The following SSPN variants were observed in gnomAD, a reference collection of about 807,000 sequenced individuals.
The protein encoded by SSPN is sarcospan, also known as K-ras oncogene-associated protein.
SSPN carries 15 observed loss-of-function variants against 19.1 expected under a neutral mutation model. The ratio of observed to expected loss-of-function variants is 0.78; its 90% CI spans 0.52 to 1.21. The LOEUF is 1.21. Among genes scored for constraint, SSPN ranks in the 50% most tolerant of loss-of-function variants. The pLI is 0.00. For missense variants in SSPN, 291 were observed against 314.0 expected, an observed-to-expected ratio of 0.93 and a Z score of 0.55; for synonymous variants, 147 against 140.3, an observed-to-expected ratio of 1.05 and a Z score of -0.34.
chr12:26,202,270 T>C (rs879375348), intron 1 of SSPN, among the ~76,000 whole-genome samples: 3 of 152,186 alleles, frequency 2.0e-5, no homozygotes, highest in Admixed American at 6.5e-5. Context: ...AACCCATTGA[T>C]ACAGAGGGCT....
chr12:26,196,567 C>T (rs562663066), intron 1 of SSPN, among the ~76,000 whole-genome samples: 11 of 152,306 alleles, frequency 7.2e-5, no homozygotes, highest in African/African-American at 2.6e-4. Context: ...ATTTGGGACT[C>T]CACCGATGGA....
At chr12:26,146,818 T>A (rs867382696) in intron 1 of SSPN, among the ~76,000 whole-genome samples, 12 of 105,184 alleles carry the variant, frequency 1.1e-4, no homozygotes, top group East Asian at 3.0e-4. Flanking sequence ...CAAGGCTGTC[T>A]AAAAAAAAAA....
chr12:26,122,404 C>T (rs1591838245), intron 1 of SSPN: 1 of 1,297,522 alleles, frequency 7.7e-7, no homozygotes, highest in Non-Finnish European at 9.9e-7. Context: ...TTCTCCAGGC[C>T]GCTCTTGTCC....
Position 26,195,770 on chromosome 12 carries a change from C to T in SSPN, c.98C>T (p.Thr33Met). The T allele has an allele frequency of 3.3e-6, 5 of 1,503,606 alleles. No homozygotes were observed. Among genetic ancestry groups the T allele is most frequent in the Non-Finnish European group, 4.4e-6 (5 of 1,129,598 alleles). The allele number at this position is 1,503,606 out of a possible 1,614,324, so 93.1% of individuals were successfully genotyped here. ...GPDDMEPKKG[T>M]GAPKECGEEE... is the part of the protein sequence containing the mutation. The stretch of plus-strand genomic sequence containing the variant: ...GACGACATGGAGCCGAAGAAGGGCA[C>T]GGGGGCCCCCAAGGAGTGCGGGGAG... Residue 33 changes from threonine to methionine, a missense_variant, in exon 1 of 3, where the codon ACG (threonine) becomes ATG (methionine). Around this residue, in one of 3 missense-constraint regions of SSPN, gnomAD observed 139 missense variants for 119.6 expected, o/e 1.16. Coordinates refer to ENST00000242729, the MANE Select transcript of SSPN (RefSeq NM_005086.5).
At chr12:26,158,396 G>A (rs1236815570) in intron 1 of SSPN, among the ~76,000 whole-genome samples, 1 of 151,988 alleles carries the variant, frequency 6.6e-6, no homozygotes, top group Non-Finnish European at 1.5e-5. Context: ...GTCAGCGTAG[G>A]GGCCTAGCCT....
At chr12:26,194,725 G>A (rs1306576893), upstream of SSPN, among the ~76,000 whole-genome samples, 1 of 152,174 alleles carries the variant, frequency 6.6e-6, no homozygotes, top group Non-Finnish European at 1.5e-5. Flanking sequence ...GGTGGCTCAC[G>A]CCTGTAATTC....
At position 26,195,809 on chromosome 12, in the gene SSPN, C is replaced by A; in HGVS notation, c.137C>A (p.Thr46Asn). Residue 46 changes from threonine to asparagine, a missense_variant, in exon 1 of 3, where the codon ACC (threonine) becomes AAC (asparagine). By Grantham distance (65) the Thr-to-Asn change is moderately conservative (BLOSUM62 0). Around this residue, in one of 3 missense-constraint regions of SSPN, gnomAD observed 139 missense variants for 119.6 expected, o/e 1.16. Transcript: ENST00000242729. ...PKECGEEEPR[T>N]CCGCRFPLLL... ...GAGTGCGGGGAGGAGGAGCCCCGGA[C>A]CTGCTGCGGCTGCCGGTTCCCGCTG... 1 of 1,536,470 alleles carries A rather than the reference C, an allele frequency of 6.5e-7. No individual in the cohort carries two copies. Among genetic ancestry groups the A allele is most frequent in the Admixed American group, 2.0e-5 (1 of 49,780 alleles).
intron 1 of SSPN, chr12:26,126,524 C>A (rs565941748): frequency 6.6e-6 from 1 of 152,234 alleles, no homozygotes; most frequent in Non-Finnish European, 1.5e-5. Context: ...ACGTGTCCCC[C>A]GGCCCGCCCC....
chr12:26,201,048 A>ATATATATATATATATATATATATATATAT (rs1944880110), intron 1 of SSPN, among the ~76,000 whole-genome samples: 23 of 68,316 alleles, frequency 3.4e-4, no homozygotes, highest in African/African-American at 1.3e-3. Context: ...TATATATATT[A>ATATATATATATATATATATATATATATAT]TATATATATA....
At chr12:26,204,329 C>A (rs775048599) in intron 1 of SSPN, among the ~76,000 whole-genome samples, 1 of 152,086 alleles carries the variant, frequency 6.6e-6, no homozygotes. Context: ...CTTCTTTTGT[C>A]AAATTTCTGT....
chr12:26,148,184 C>T (rs1944504325), intron 1 of SSPN, among the ~76,000 whole-genome samples: 1 of 152,172 alleles, frequency 6.6e-6, no homozygotes, highest in Admixed American at 6.5e-5. Context: ...CTGCTGTCTT[C>T]CCATCCTCCT....
At position 26,195,641 on chromosome 12, in the gene SSPN, G is replaced by GCGGGGGCCCCCCCC; in HGVS notation, c.-31_-30insGGGGGCCCCCCCCC. ...CTCCAGGGCCCAGGGCGCCGCACAC[G>GCGGGGGCCCCCCCC]CACCCACCCACCCACCCAGCCTCGC... On this transcript the variant is annotated 5_prime_UTR_variant, in exon 1 of 3. Coordinates refer to ENST00000242729, the MANE Select transcript of SSPN (RefSeq NM_005086.5). 16 of 1,105,394 alleles carry GCGGGGGCCCCCCCC rather than the reference G, an allele frequency of 1.4e-5. No individual in the cohort carries two copies. Among genetic ancestry groups the GCGGGGGCCCCCCCC allele is most frequent in the South Asian group, 3.7e-5 (1 of 27,366 alleles). 68.5% of individuals were successfully genotyped at this position (1,105,394 alleles called of 1,614,324 possible). A position where few individuals can be genotyped will look rare whatever the true frequency, so the allele number is the denominator to read the frequency against.
intron 1 of SSPN, among the ~76,000 whole-genome samples, chr12:26,221,558 A>G (rs927649166): frequency 5.9e-5 from 9 of 152,160 alleles, no homozygotes; most frequent in Non-Finnish European, 1.3e-4. Context: ...TTCCTATGCA[A>G]CTTCTTTCTG....
intron 1 of SSPN, among the ~76,000 whole-genome samples, chr12:26,185,089 A>T (rs1420660548): frequency 1.3e-5 from 2 of 152,220 alleles, no homozygotes; most frequent in Non-Finnish European, 2.9e-5. Context: ...TAGAAACAGA[A>T]CTTAAGCTAA....
chr12:26,226,977 T>G (rs1565694990), intron 2 of SSPN, among the ~76,000 whole-genome samples: 1 of 151,912 alleles, frequency 6.6e-6, no homozygotes, highest in Non-Finnish European at 1.5e-5. Flanking sequence ...TGCTGTTACA[T>G]AAGCGCCCGG....
intron 1 of SSPN, among the ~76,000 whole-genome samples, chr12:26,146,686 G>C (rs1944492812): frequency 6.6e-6 from 1 of 152,016 alleles, no homozygotes; most frequent in South Asian, 2.1e-4. Context: ...AGCCAGGTGT[G>C]GTGGCATAGG....
At chr12:26,182,677 C>T (rs527532827) in intron 1 of SSPN, among the ~76,000 whole-genome samples, 1 of 144,272 alleles carries the variant, frequency 6.9e-6, no homozygotes, top group Admixed American at 7.2e-5. Flanking sequence ...CAATCCTAGT[C>T]ATGCAGCAAA....
intron 2 of SSPN, 27 bp from the exon 3 acceptor site, chr12:26,230,684 G>C: frequency 6.4e-7 from 1 of 1,573,592 alleles, no homozygotes; most frequent in Non-Finnish European, 8.6e-7. Context: ...TTTGTAACCA[G>C]AAAGGTTTTC....
intron 1 of SSPN, among the ~76,000 whole-genome samples, chr12:26,183,406 G>A (rs955657439): frequency 2.6e-5 from 4 of 152,280 alleles, no homozygotes; most frequent in East Asian, 1.9e-4. Flanking sequence ...GAGCCACTGC[G>A]CCCGGTCCCA....
Sources: gnomAD v4.1 joint callset for allele counts (sites outside exome capture counted in the v4.1 genomes callset) on GRCh38, gnomAD v4.1.1 for gene constraint, gnomAD v4.1.1 regional missense constraint, MANE v1.5 for transcripts, NCBI Gene and HGNC (gene_info 2026-07-23, HGNC 2026-07-21) for gene names.